Variants in CDH22 observed in about 807,000 individuals in gnomAD.
CDH22 encodes the protein cadherin-22.
Under a neutral mutation model 58.4 loss-of-function variants are expected in CDH22, and 30 were observed. That is an observed-to-expected ratio of 0.51 (90% CI 0.38 to 0.70). The LOEUF is 0.70. Among genes scored for constraint, CDH22 ranks in the 30% least tolerant of loss-of-function variants. The probability of loss-of-function intolerance (pLI) is 0.00; values close to 1 mark genes in which losing one functional copy is unlikely to be tolerated. For missense variants in CDH22, 1,014 were observed against 1,233.9 expected (o/e 0.82, Z 2.67); for synonymous variants, 513 against 558.2 (o/e 0.92, Z 1.14).
chr20:46,176,505 T>C (rs1361298300), intron 11 of CDH22, among the ~76,000 whole-genome samples: 1 of 152,212 alleles, frequency 6.6e-6, no homozygotes, highest in African/African-American at 2.4e-5. Flanking sequence ...TGGGAGGAAC[T>C]CACTGGATGG....
At position 46,216,563 on chromosome 20, in the gene CDH22, A is replaced by G. The variant is rs1218693194; in HGVS notation, c.838+263T>C. On this transcript the variant is annotated intron_variant, in intron 5 of 11. Transcript: ENST00000537909. This position sits in a 1 kb window ranked among gnomAD's most constrained non-coding sequence, Gnocchi z 5.3. ...TGGGGCTCCCCCTCTGCCGGAAGCA[A>G]GAGGAGGTCTGGGAAGGTGATGGTG... Among the ~76,000 whole-genome samples the G allele has an allele frequency of 6.6e-6, 1 of 152,118 alleles. No homozygotes were observed. Among genetic ancestry groups the G allele is most frequent in the Non-Finnish European group, 1.5e-5 (1 of 68,000 alleles).
intron 7 of CDH22, among the ~76,000 whole-genome samples, chr20:46,206,205 G>C (rs1345262135): frequency 1.3e-5 from 2 of 152,214 alleles, no homozygotes; most frequent in African/African-American, 4.8e-5. Flanking sequence ...GTAAGAAGCA[G>C]GAGTGAAATG....
chr20:46,213,123 C>T lies in CDH22; in HGVS notation c.904G>A (p.Glu302Lys). The T allele has an allele frequency of 6.2e-7, 1 of 1,614,226 alleles. No individual in the cohort carries two copies. Among genetic ancestry groups the T allele is most frequent in the South Asian group, 1.1e-5 (1 of 91,084 alleles). Reference protein sequence around the residue: ...IGTAVGRVKAEDSDVGENTDM... With the variant: ...IGTAVGRVKAKDSDVGENTDM... The stretch of plus-strand genomic sequence containing the variant: ...GTGTTCTCTCCCACGTCTGAGTCCT[C>T]AGCCTTCACACGTCCCACAGCCGTT... Residue 302 changes from glutamate (E) to lysine (K), a missense_variant, in exon 6 of 12, where the codon GAG becomes AAG. This residue lies in a region of CDH22 where 806 missense variants were observed against 1,038.7 expected (regional missense o/e 0.78). Coordinates refer to ENST00000537909, the MANE Select transcript of CDH22 (RefSeq NM_021248.3).
In CDH22 at chr20:46,259,639, G is replaced by A. The variant is rs550102292; in HGVS notation, c.-399-7946C>T. ...TCAGAGGAAGAGCTCCTATCTCCTT[G>A]AGTAACCATGGAGGGCTGCCTGGAG... On this transcript the variant is annotated intron_variant, in intron 1 of 11. Transcript: ENST00000537909. Among the ~76,000 whole-genome samples, 9 of 152,330 alleles carry A rather than the reference G, an allele frequency of 5.9e-5. No homozygotes were observed. The East Asian group carries it at 1.5e-3, about 26-fold the overall frequency.
intron 2 of CDH22, among the ~76,000 whole-genome samples, chr20:46,247,504 A>G (rs1316757197): frequency 2.6e-5 from 4 of 152,234 alleles, no homozygotes; most frequent in Non-Finnish European, 4.4e-5. Context: ...AACTACTTGC[A>G]TAGTATTTAC....
rs548125459 is a variant in CDH22, at chr20:46,303,492, A to G, written c.-400+4763T>C. On this transcript the variant is annotated intron_variant, in intron 1 of 11. Transcript: ENST00000537909. ...GCTTGCTCACCATTGTGTCTCCACC[A>G]TGCAGCACAATGCTTAACACATAGT... Among the ~76,000 whole-genome samples, 40 of 152,358 alleles carry G rather than the reference A, an allele frequency of 2.6e-4. No individual in the cohort carries two copies. In the South Asian group the frequency reaches 8.1e-3, roughly 31 times the overall value.
chr20:46,181,295 G>A (rs2085782319), intron 10 of CDH22, among the ~76,000 whole-genome samples: 1 of 152,132 alleles, frequency 6.6e-6, no homozygotes, highest in Non-Finnish European at 1.5e-5. Context: ...ACATAACAGA[G>A]CACCTGAGCC....
rs2086373135 is a variant in CDH22 at position 46,251,339 on chromosome 20, C to A, written c.-45G>T. 1.4e-6 allele frequency: 2 copies of A among 1,409,734 alleles called. No individual in the cohort carries two copies. Among genetic ancestry groups the A allele is most frequent in the Non-Finnish European group, 1.8e-6 (2 of 1,090,498 alleles). The allele number at this position is 1,409,734 out of a possible 1,614,324, so 87.3% of individuals were successfully genotyped here. A position where few individuals can be genotyped will look rare whatever the true frequency, so the allele number is the denominator to read the frequency against. Reference sequence around the variant, plus strand: ...GGGGCCCAGGAGCATGGACGAGAGGCACCAGGGCGCCGCTGCTTGGTCGCA... The same window carrying A: ...GGGGCCCAGGAGCATGGACGAGAGGAACCAGGGCGCCGCTGCTTGGTCGCA... On this transcript the variant is annotated 5_prime_UTR_variant, in exon 2 of 12. Coordinates refer to ENST00000537909, the MANE Select transcript of CDH22 (RefSeq NM_021248.3). This position sits in a 1 kb window ranked among gnomAD's most constrained non-coding sequence, Gnocchi z 6.7.
intron 1 of CDH22, among the ~76,000 whole-genome samples, chr20:46,306,543 C>T (rs1241963718): frequency 6.6e-6 from 1 of 152,228 alleles, no homozygotes; most frequent in Non-Finnish European, 1.5e-5. Context: ...GGCACACAGA[C>T]ATCTCCAGGA....
intron 11 of CDH22, among the ~76,000 whole-genome samples, chr20:46,176,890 G>A (rs1176432707): frequency 4.6e-5 from 7 of 152,256 alleles, no homozygotes; most frequent in Non-Finnish European, 8.8e-5. Context: ...GATTCCACCC[G>A]TCACCTTTAG....
intron 3 of CDH22, among the ~76,000 whole-genome samples, chr20:46,238,224 T>C (rs2086267317): frequency 6.6e-6 from 1 of 152,212 alleles, no homozygotes; most frequent in African/African-American, 2.4e-5. Flanking sequence ...CTGGACTTTT[T>C]AATGCAGAAA....
At chr20:46,176,819 C>A (rs74495637) in intron 11 of CDH22, among the ~76,000 whole-genome samples, 1 of 152,172 alleles carries the variant, frequency 6.6e-6, no homozygotes, top group Non-Finnish European at 1.5e-5. Flanking sequence ...GGGGGATGCC[C>A]GCGGGAGCAG....
intron 2 of CDH22, among the ~76,000 whole-genome samples, chr20:46,242,935 G>A (rs2086302518): frequency 6.6e-6 from 1 of 152,192 alleles, no homozygotes; most frequent in Admixed American, 6.5e-5. Context: ...TCTTGGGTGA[G>A]GAACCAGCAA....
At chr20:46,221,783 T>A (rs2086128022) in intron 4 of CDH22, among the ~76,000 whole-genome samples, 1 of 152,218 alleles carries the variant, frequency 6.6e-6, no homozygotes, top group Non-Finnish European at 1.5e-5. Context: ...TTCCTCCTGA[T>A]GTTGGGAGAA....
intron 1 of CDH22, among the ~76,000 whole-genome samples, chr20:46,289,394 C>T (rs537186453): frequency 5.3e-5 from 8 of 152,154 alleles, no homozygotes; most frequent in Admixed American, 2.6e-4. Context: ...AATGTGAGTG[C>T]CATGATTTTA....
intron 1 of CDH22, among the ~76,000 whole-genome samples, chr20:46,305,992 C>G (rs2086674760): frequency 6.6e-6 from 1 of 152,228 alleles, no homozygotes. Context: ...CACAGCCACC[C>G]TTTTGACAGA....
chr20:46,182,419 G>A (rs2085795617), intron 10 of CDH22, among the ~76,000 whole-genome samples: 1 of 152,248 alleles, frequency 6.6e-6, no homozygotes, highest in African/African-American at 2.4e-5. Context: ...AGTAGTGGAG[G>A]CACAGAGAAG....
chr20:46,186,738 G>A, intron 9 of CDH22, 33 bp from the exon 10 acceptor site: 1 of 1,609,426 alleles, frequency 6.2e-7, no homozygotes, highest in Non-Finnish European at 8.5e-7. Context: ...AGGGCTAGTG[G>A]TGAGGCTGAG....
chr20:46,273,824 G>A (rs1400653468), intron 1 of CDH22, among the ~76,000 whole-genome samples: 1 of 152,208 alleles, frequency 6.6e-6, no homozygotes, highest in African/African-American at 2.4e-5. Flanking sequence ...TGGAATGTGT[G>A]AGGAATCCAA....
Sources: gnomAD v4.1 joint callset for allele counts (sites outside exome capture counted in the v4.1 genomes callset) on GRCh38, gnomAD v4.1.1 for gene constraint, gnomAD v4.1.1 regional missense constraint, Gnocchi (gnomAD v3.1) non-coding constraint, MANE v1.5 for transcripts, NCBI Gene and HGNC (gene_info 2026-07-23, HGNC 2026-07-21) for gene names.